The following FBXO34 variants were observed in gnomAD, a reference collection of about 807,000 sequenced individuals.
The protein encoded by FBXO34 is F-box only protein 34.
In FBXO34, 12 loss-of-function variants were observed where a neutral mutation model predicts 24.5. The ratio of observed to expected loss-of-function variants is 0.49; its 90% CI spans 0.31 to 0.79. The LOEUF is 0.79. Among genes scored for constraint, FBXO34 ranks in the 30% least tolerant of loss-of-function variants. The pLI is 0.04. For synonymous variants in FBXO34, 320 were observed against 311.9 expected, an observed-to-expected ratio of 1.03 and a Z score of -0.27; for missense variants, 823 against 857.7, an observed-to-expected ratio of 0.96 and a Z score of 0.51.
Position 55,351,115 on chromosome 14 carries a change from C to T in FBXO34, c.725C>T (p.Ser242Phe). ...SPAIVRFSGQ[S>F]RGVPAVSESY... ...GCAATTGTGAGGTTTTCTGGCCAAT[C>T]CAGAGGTGTGCCTGCAGTGTCTGAG... Residue 242 changes from serine (S) to phenylalanine (F), a missense_variant, in exon 2 of 2, where the codon TCC (serine) becomes TTC (phenylalanine). Around this residue, in one of 2 missense-constraint regions of FBXO34, gnomAD observed 693 missense variants for 659.1 expected, o/e 1.05. Coordinates refer to ENST00000313833, the MANE Select transcript of FBXO34 (RefSeq NM_017943.4). 1.2e-6 allele frequency: 2 copies of T among 1,614,206 alleles called. No individual in the cohort carries two copies. Among genetic ancestry groups the T allele is most frequent in the Non-Finnish European group, 1.7e-6 (2 of 1,180,032 alleles).
rs1368077714 is a variant in FBXO34, at chr14:55,319,634, C to CACAGG, written c.-10-30744_-10-30740dup. Among the ~76,000 whole-genome samples the CACAGG allele has an allele frequency of 3.3e-5, 5 of 152,254 alleles. No homozygotes were observed. The East Asian group carries it at 9.6e-4, about 29-fold the overall frequency. On this transcript the variant is annotated intron_variant, in intron 1 of 1. Coordinates refer to ENST00000313833, the MANE Select transcript of FBXO34 (RefSeq NM_017943.4). ...CCAGGTTTTTTCATGTGATTGTATG[C>CACAGG]ACAGGACCAACATTCTATATAGTGT...
In FBXO34 at chr14:55,350,484, G is replaced by T. The variant is rs1347826932; in HGVS notation, c.94G>T (p.Ala32Ser). The change falls in exon 2 of 2, where the codon GCT becomes TCT. Residue 32 changes from alanine to serine, a missense_variant. Transcript: ENST00000313833. ...GAGAACTCCTATGAACCACCAAAAG[G>T]CTGTAAATGATGAAACATGCAAAGC... ...TQRTPMNHQK[A>S]VNDETCKASH... is the part of the protein sequence containing the mutation. 6.2e-7 allele frequency: 1 copy of T among 1,613,824 alleles called. No individual in the cohort carries two copies. The highest frequency in any genetic ancestry group is 1.3e-5 in the African/African-American group (1 of 74,940).
At chr14:55,323,570 A>G (rs1883241910) in intron 1 of FBXO34, among the ~76,000 whole-genome samples, 1 of 151,582 alleles carries the variant, frequency 6.6e-6, no homozygotes, top group South Asian at 2.1e-4. Flanking sequence ...TTTAGTAGAG[A>G]CGGAGTTTCA....
downstream of FBXO34, among the ~76,000 whole-genome samples, chr14:55,363,883 T>C (rs559499525): frequency 7.2e-5 from 11 of 152,282 alleles, no homozygotes; most frequent in East Asian, 2.1e-3. Flanking sequence ...TTTTTTTTTT[T>C]ACTCAACTCG....
the FBXO34 span, chr14:55,440,350 G>A: frequency 1.9e-6 from 3 of 1,610,278 alleles, no homozygotes; most frequent in African/African-American, 1.3e-5. Context: ...GCACAGGACC[G>A]GGCGGGACTT....
Position 55,352,557 on chromosome 14 carries a change from TTTCTA to T in FBXO34, c.*32_*36del. 1 of 1,545,126 alleles carries T rather than the reference TTTCTA, an allele frequency of 6.5e-7. No homozygotes were observed. The highest frequency in any genetic ancestry group is 8.7e-7 in the Non-Finnish European group (1 of 1,144,958). On this transcript the variant is annotated 3_prime_UTR_variant, in exon 2 of 2. Transcript: ENST00000313833. ...ATGTGAGAGGCAACAAAAGGACCGG[TTTCTA>T]AAGCTGCAAAACACCTAGATACACC...
the FBXO34 span, among the ~76,000 whole-genome samples, chr14:55,384,468 T>C: frequency 6.6e-5 from 10 of 152,336 alleles, no homozygotes; most frequent in African/African-American, 2.4e-4. Context: ...AATATCTCTT[T>C]TGGGGTTCAG....
the FBXO34 span, chr14:55,380,613 G>A: frequency 6.2e-7 from 1 of 1,613,194 alleles, no homozygotes; most frequent in Non-Finnish European, 8.5e-7. Flanking sequence ...TCAAGTATAT[G>A]AGACAGAATG....
chr14:55,279,319 G>A (rs1325743579), intron 1 of FBXO34, among the ~76,000 whole-genome samples: 1 of 151,834 alleles, frequency 6.6e-6, no homozygotes, highest in Non-Finnish European at 1.5e-5. Context: ...ATATTTAGTG[G>A]GGTCTAATAA....
chr14:55,380,226 C>T, the FBXO34 span, among the ~76,000 whole-genome samples: 5 of 151,636 alleles, frequency 3.3e-5, no homozygotes, highest in Non-Finnish European at 5.9e-5. Flanking sequence ...CTGGCCTGGG[C>T]GACAGAGCGA....
the FBXO34 span, among the ~76,000 whole-genome samples, chr14:55,396,457 C>G: frequency 1.3e-5 from 2 of 152,184 alleles, no homozygotes; most frequent in Non-Finnish European, 2.9e-5. Context: ...TTCTCTAATA[C>G]AGAATATCCT....
the FBXO34 span, among the ~76,000 whole-genome samples, chr14:55,384,648 G>T: frequency 3.3e-5 from 5 of 152,194 alleles, no homozygotes; most frequent in Non-Finnish European, 7.3e-5. Flanking sequence ...AGTCTTTTTG[G>T]TTTTTAGGAA....
At position 55,352,096 on chromosome 14, in the gene FBXO34, TG is replaced by T; in HGVS notation, c.1708del (p.Glu570SerfsTer15). On this transcript the variant is annotated frameshift_variant, in exon 2 of 2. Transcript: ENST00000313833. LOFTEE classifies it high-confidence loss of function. ...ACCAGGTTTAAAATCCAGCAGCTTT[TG>T]GAGCCTCAGCAGTACATGGCTTTTC... ...LETRFKIQQL[L>X]EPQQYMAFLP... 6.2e-7 allele frequency: 1 copy of T among 1,614,238 alleles called. No homozygotes were observed. The highest frequency in any genetic ancestry group is 8.5e-7 in the Non-Finnish European group (1 of 1,180,042).
At chr14:55,378,690 TC>T in the FBXO34 span, among the ~76,000 whole-genome samples, 1 of 151,554 alleles carries the variant, frequency 6.6e-6, no homozygotes, top group Admixed American at 6.6e-5. Context: ...CTCACCACAT[TC>T]CCTCTTACCT....
chr14:55,296,391 G>GTTTTTTTTTTTTTTTTTTTT (rs1167344634), intron 1 of FBXO34, among the ~76,000 whole-genome samples: 30 of 64,742 alleles, frequency 4.6e-4, no homozygotes, highest in Non-Finnish European at 6.9e-4. Context: ...TGTTTTTTTT[G>GTTTTTTTTTTTTTTTTTTTT]TTTTTTTTTT....
the FBXO34 span, among the ~76,000 whole-genome samples, chr14:55,427,784 G>GA: frequency 2.0e-4 from 30 of 151,612 alleles, no homozygotes; most frequent in African/African-American, 7.0e-4. Flanking sequence ...TATTCCCTAG[G>GA]AAAAGGAATA....
chr14:55,400,909 TAAATAAAATAAAATAAAATAAAATA>T, the FBXO34 span, among the ~76,000 whole-genome samples: 16 of 143,358 alleles, frequency 1.1e-4, no homozygotes, highest in Non-Finnish European at 2.3e-4. Context: ...CTCAAATAAA[TAAATAAAATAAAATAAAATAAAATA>T]AAATAAAATA....
At chr14:55,413,631 G>C in the FBXO34 span, 1 of 420,188 alleles carries the variant, frequency 2.4e-6, no homozygotes, top group Non-Finnish European at 4.7e-6. Flanking sequence ...TTGTCTGGGT[G>C]GAGCAGGCTG....
chr14:55,433,837 C>A, the FBXO34 span: 3 of 843,338 alleles, frequency 3.6e-6, no homozygotes, highest in Non-Finnish European at 3.6e-6. Flanking sequence ...AACTAAATGT[C>A]TGGGTCTTTT....
Sources: allele counts gnomAD v4.1 joint callset (sites outside exome capture counted in the v4.1 genomes callset), GRCh38; gene constraint gnomAD v4.1.1; regional missense constraint gnomAD v4.1.1; transcripts MANE v1.5; gene names NCBI Gene and HGNC (gene_info 2026-07-23, HGNC 2026-07-21).